ABLIM1: variants seen among roughly 807,000 people sequenced by gnomAD.
ABLIM1 encodes the protein actin-binding LIM protein 1.
In ABLIM1, 40 loss-of-function variants were observed where a neutral mutation model predicts 107.0. The observed-to-expected ratio is 0.37, with a 90% CI of 0.29 to 0.49. ABLIM1 has a LOEUF of 0.49. Ranked by LOEUF, ABLIM1 falls within the 20% of genes least tolerant of loss-of-function variation. ABLIM1 has a pLI of 0.97. For synonymous variants in ABLIM1, 357 were observed against 357.3 expected (o/e 1.00, Z 0.01); for missense variants, 857 against 1,008.5 (o/e 0.85, Z 2.04).
intron 6 of ABLIM1, among the ~76,000 whole-genome samples, chr10:114,529,109 C>G (rs536502526): frequency 6.3e-4 from 96 of 152,044 alleles, no homozygotes; most frequent in Non-Finnish European, 1.1e-3. Context: ...GGCTCACTAC[C>G]CACGAGTCTT....
Position 114,629,946 on chromosome 10 carries a change from C to T in ABLIM1, c.245-27985G>A, listed in dbSNP as rs996637209. ...AAGCAGTGGTGTGGACTGGCACAGA[C>T]CTCAAAATAAAACAGAACAGCCTTT... On this transcript the variant is annotated intron_variant, in intron 1 of 22. Coordinates refer to ENST00000533213, the MANE Select transcript of ABLIM1 (RefSeq NM_002313.7). The surrounding 1 kb of genome is among the most constrained non-coding windows in gnomAD (Gnocchi z 4.0). 3.3e-5 allele frequency among the ~76,000 whole-genome samples: 5 copies of T among 152,056 alleles called. No homozygotes were observed. The highest frequency in any genetic ancestry group is 6.6e-5 in the Admixed American group (1 of 15,264).
At chr10:114,797,317 C>G in the ABLIM1 span, among the ~76,000 whole-genome samples, 1 of 152,156 alleles carries the variant, frequency 6.6e-6, no homozygotes, top group African/African-American at 2.4e-5. Flanking sequence ...ATGGAAAAAC[C>G]TTATTTCTGA....
upstream of ABLIM1, among the ~76,000 whole-genome samples, chr10:114,769,790 T>C (rs577134440): frequency 6.6e-6 from 1 of 152,244 alleles, no homozygotes; most frequent in South Asian, 2.1e-4. Context: ...AAGGAAATAC[T>C]AGAAAAAAGA....
Position 114,451,617 on chromosome 10 carries a change from G to C in ABLIM1, c.1594+7C>G, listed in dbSNP as rs1488433405. On this transcript the variant is annotated splice_region_variant and intron_variant, in intron 14 of 22. Coordinates refer to ENST00000533213, the MANE Select transcript of ABLIM1 (RefSeq NM_002313.7). ...TTAAAAGCTACGCGGAGGAAAGCGGGTTTTACCATGCTGTTTGTAGATGGG... is the reference window on the plus strand; with the variant it reads ...TTAAAAGCTACGCGGAGGAAAGCGGCTTTTACCATGCTGTTTGTAGATGGG... 1 of 1,612,360 alleles carries C rather than the reference G, an allele frequency of 6.2e-7. No individual in the cohort carries two copies.
chr10:114,541,659 C>T (rs2066675167), intron 6 of ABLIM1, among the ~76,000 whole-genome samples: 1 of 152,214 alleles, frequency 6.6e-6, no homozygotes, highest in Non-Finnish European at 1.5e-5. Context: ...TCCCAGACGC[C>T]TCAACTCTGA....
the ABLIM1 span, among the ~76,000 whole-genome samples, chr10:114,791,411 G>A: frequency 1.7e-4 from 26 of 152,140 alleles, no homozygotes; most frequent in South Asian, 1.5e-3. Context: ...GGCCAAAGCC[G>A]GCGGATCACG....
At chr10:114,453,250 C>T in intron 13 of ABLIM1, 129 bp downstream of exon 13, 5 of 957,382 alleles carry the variant, frequency 5.2e-6, no homozygotes, top group Non-Finnish European at 8.2e-6. Flanking sequence ...TAGGTCAGAT[C>T]CTGCAATTTA....
chr10:114,626,016 T>C (rs2077767176), intron 1 of ABLIM1, among the ~76,000 whole-genome samples: 1 of 152,210 alleles, frequency 6.6e-6, no homozygotes, highest in Non-Finnish European at 1.5e-5. Flanking sequence ...AACATTTTTT[T>C]AGAAGTAAGC....
chr10:114,523,411 T>C (rs535495252), intron 6 of ABLIM1, among the ~76,000 whole-genome samples: 1 of 152,250 alleles, frequency 6.6e-6, no homozygotes, highest in South Asian at 2.1e-4. Context: ...AGGGCCGTTT[T>C]TTCACCTCTG....
At chr10:114,541,865 C>T (rs1438436757) in intron 6 of ABLIM1, among the ~76,000 whole-genome samples, 1 of 152,014 alleles carries the variant, frequency 6.6e-6, no homozygotes, top group Non-Finnish European at 1.5e-5. Flanking sequence ...AGATTTTCTT[C>T]CCCACAGCTG....
At chr10:114,689,424 C>T (rs188555065), upstream of ABLIM1, among the ~76,000 whole-genome samples, 2,353 of 147,252 alleles carry the variant, frequency 0.016, 59 homozygotes, top group African/African-American at 0.055. Context: ...TGCAGTGGCT[C>T]GATCTCGGCT....
intron 6 of ABLIM1, among the ~76,000 whole-genome samples, chr10:114,536,232 T>G (rs1391528518): frequency 4.2e-4 from 2 of 4,756 alleles, no homozygotes; most frequent in Non-Finnish European, 8.3e-4. Flanking sequence ...TCTTTGTTTT[T>G]TTTTTTTTTT....
intron 1 of ABLIM1, among the ~76,000 whole-genome samples, chr10:114,676,954 C>T (rs1449578885): frequency 6.6e-6 from 1 of 152,006 alleles, no homozygotes; most frequent in Non-Finnish European, 1.5e-5. Context: ...CAGGCTGGTC[C>T]CAAACTCCTA....
chr10:114,451,664 T>C lies in ABLIM1; in HGVS notation c.1554A>G (p.Gly518=). The change falls in exon 14 of 23, where the codon GGA becomes GGG. Residue 518 remains glycine, a synonymous_variant. Transcript: ENST00000533213. ...TGGGTGGCTTTCGGTAAATGTTGATTCCTTGATCTGTGGAAATGAAAAGCA... is the reference window on the plus strand; with the variant it reads ...TGGGTGGCTTTCGGTAAATGTTGATCCCTTGATCTGTGGAAATGAAAAGCA... ...APKHFHVPDQ[G]INIYRKPPIY... is the part of the protein sequence containing the mutation. 6.2e-7 allele frequency: 1 copy of C among 1,611,964 alleles called. No homozygotes were observed. Among genetic ancestry groups the C allele is most frequent in the Non-Finnish European group, 8.5e-7 (1 of 1,178,944 alleles).
chr10:114,756,541 C>T (rs1352054277), intron 1 of ABLIM1, among the ~76,000 whole-genome samples: 2 of 152,074 alleles, frequency 1.3e-5, no homozygotes, highest in Admixed American at 1.3e-4. Flanking sequence ...ATCCAAGAGC[C>T]TAGTATGTCT....
chr10:114,611,521 C>T (rs2076809494), intron 1 of ABLIM1, among the ~76,000 whole-genome samples: 1 of 151,992 alleles, frequency 6.6e-6, no homozygotes, highest in African/African-American at 2.4e-5. Flanking sequence ...TTTGCCTTTT[C>T]CGTGGCTACG....
chr10:114,657,516 A>G (rs1439653376), intron 1 of ABLIM1, among the ~76,000 whole-genome samples: 1 of 152,188 alleles, frequency 6.6e-6, no homozygotes, highest in Admixed American at 6.5e-5. Context: ...TTTTTAGAAC[A>G]TTTCACAAGA....
chr10:114,565,794 T>C (rs1300601715), intron 4 of ABLIM1, among the ~76,000 whole-genome samples: 2 of 66,396 alleles, frequency 3.0e-5, no homozygotes, highest in African/African-American at 9.9e-5. Context: ...ATTTCTTTTT[T>C]TTTTTTTTTT....
chr10:114,786,103 TC>T, the ABLIM1 span, among the ~76,000 whole-genome samples: 196 of 152,348 alleles, frequency 1.3e-3, 1 homozygote, highest in Non-Finnish European at 1.6e-3. Context: ...AGAATTACAT[TC>T]AGTTTTTTAA....
Sources: gnomAD v4.1 joint callset for allele counts (sites outside exome capture counted in the v4.1 genomes callset) on GRCh38, gnomAD v4.1.1 for gene constraint, Gnocchi (gnomAD v3.1) non-coding constraint, MANE v1.5 for transcripts, NCBI Gene and HGNC (gene_info 2026-07-23, HGNC 2026-07-21) for gene names.